DLGAP4: variants seen among roughly 807,000 people sequenced by gnomAD.
DLGAP4 encodes disks large-associated protein 4.
DLGAP4 carries 18 observed loss-of-function variants against 86.9 expected under a neutral mutation model. The ratio of observed to expected loss-of-function variants is 0.21; its 90% CI spans 0.14 to 0.31. The LOEUF (loss-of-function observed/expected upper bound fraction) is 0.31, where lower values mean the gene tolerates loss of function less well. Among genes scored for constraint, DLGAP4 ranks in the 10% least tolerant of loss-of-function variants. The pLI, the probability that DLGAP4 is intolerant of heterozygous loss-of-function variation, is 1.00. For missense variants in DLGAP4, 1,085 were observed against 1,362.6 expected (o/e 0.80, Z 3.21); for synonymous variants, 548 against 574.3 (o/e 0.95, Z 0.65).
At chr20:36,388,121 G>A in intron 2 of DLGAP4, among the ~76,000 whole-genome samples, 1 of 152,178 alleles carries the variant, frequency 6.6e-6, no homozygotes, top group East Asian at 1.9e-4. Flanking sequence ...CAGTCCCTTG[G>A]CTATTGAGAA....
intron 1 of DLGAP4, among the ~76,000 whole-genome samples, chr20:36,320,145 GC>G (rs1401728044): frequency 2.7e-5 from 2 of 74,580 alleles, no homozygotes. Flanking sequence ...CCTCTCCCAG[GC>G]CCCCCTCTGT....
chr20:36,309,202 A>G (rs2065031802), intron 1 of DLGAP4, among the ~76,000 whole-genome samples: 1 of 152,208 alleles, frequency 6.6e-6, no homozygotes, highest in Non-Finnish European at 1.5e-5. Flanking sequence ...CTCGATGCCC[A>G]GGCCAGGCTG....
intron 2 of DLGAP4, among the ~76,000 whole-genome samples, chr20:36,370,692 T>C (rs1256910349): frequency 1.3e-5 from 2 of 149,018 alleles, no homozygotes; most frequent in Non-Finnish European, 3.0e-5. Flanking sequence ...TGGTGATATG[T>C]GCCGGTAGTC....
chr20:36,423,924 C>A (rs1183453708), intron 2 of DLGAP4, among the ~76,000 whole-genome samples: 1 of 152,002 alleles, frequency 6.6e-6, no homozygotes, highest in African/African-American at 2.4e-5. Context: ...CATGCCGCTG[C>A]ACTCCAGCCC....
At chr20:36,477,485 C>T (rs1253705650) in intron 7 of DLGAP4, among the ~76,000 whole-genome samples, 1 of 152,222 alleles carries the variant, frequency 6.6e-6, no homozygotes, top group Non-Finnish European at 1.5e-5. Context: ...CTGGGAGAGC[C>T]TCCTCTGCAG....
At position 36,527,356 on chromosome 20, in the gene DLGAP4, G is replaced by A. The variant is rs2037834640; in HGVS notation, c.*325G>A. 9.2e-6 allele frequency: 2 copies of A among 216,234 alleles called. No homozygotes were observed. Among genetic ancestry groups the A allele is most frequent in the South Asian group, 1.9e-4 (2 of 10,428 alleles). 13.4% of individuals were successfully genotyped at this position (216,234 alleles called of 1,614,324 possible). A position where few individuals can be genotyped will look rare whatever the true frequency, so the allele number is the denominator to read the frequency against. On this transcript the variant is annotated 3_prime_UTR_variant, in exon 13 of 13. Transcript: ENST00000339266. ...CCTCCATACTGCGGTCTTTTTACTC[G>A]TTCTATCTGATGAGAACTCACACTA...
chr20:36,452,141 G>T (rs1600549127), intron 7 of DLGAP4, among the ~76,000 whole-genome samples: 1 of 152,076 alleles, frequency 6.6e-6, no homozygotes, highest in South Asian at 2.1e-4. Context: ...AACAAGTTCT[G>T]GTCTCCTTCC....
Position 36,436,253 on chromosome 20 carries a change from G to T in DLGAP4, c.1144G>T (p.Gly382Cys). The T allele has an allele frequency of 1.2e-6, 2 of 1,605,754 alleles. No individual in the cohort carries two copies. The part of the protein sequence containing the change: ...AMGDEDSDES[G>C]GSPKPSPKTA... ...GGGCGACGAGGACAGCGACGAGTCC[G>T]GCGGCAGCCCCAAGCCCTCACCCAA... The change falls in exon 4 of 13, where the codon GGC becomes TGC. Residue 382 changes from glycine to cysteine, a missense_variant. This residue lies in a region of DLGAP4 where 1,082 missense variants were observed against 1,344.1 expected (regional missense o/e 0.81). Transcript: ENST00000339266.
chr20:36,476,106 G>A (rs1192511735), intron 7 of DLGAP4, among the ~76,000 whole-genome samples: 3 of 151,912 alleles, frequency 2.0e-5, no homozygotes, highest in Admixed American at 6.6e-5. Flanking sequence ...TGATCCACCT[G>A]CCTTGGCCTC....
chr20:36,388,133 T>A (rs1337971424), intron 2 of DLGAP4, among the ~76,000 whole-genome samples: 1 of 152,218 alleles, frequency 6.6e-6, no homozygotes, highest in East Asian at 1.9e-4. Context: ...TATTGAGAAC[T>A]GCCACAGATA....
rs142118887 is a variant in DLGAP4 at position 36,476,226 on chromosome 20, G to A, written c.1649-20479G>A. 4.1e-3 allele frequency among the ~76,000 whole-genome samples: 613 copies of A among 150,106 alleles called. 5 individuals carry two copies. The highest frequency in any genetic ancestry group is 0.014 in the African/African-American group (581 of 40,696). ...TGTTGTATAGCCATCATCACTATCC[G>A]TCTCTTTAACTCTTCATCTTCCCAA... On this transcript the variant is annotated intron_variant, in intron 7 of 12. Transcript: ENST00000339266.
intron 10 of DLGAP4, among the ~76,000 whole-genome samples, chr20:36,518,226 CAA>C (rs113911192): frequency 2.3e-5 from 3 of 131,618 alleles, no homozygotes; most frequent in Non-Finnish European, 1.7e-5. Flanking sequence ...GACTCGGTCT[CAA>C]AAAAAAAAAA....
intron 2 of DLGAP4, among the ~76,000 whole-genome samples, chr20:36,414,138 AG>A (rs982543109): frequency 2.6e-4 from 39 of 152,306 alleles, no homozygotes; most frequent in African/African-American, 9.4e-4. Context: ...GAGATGAAAA[AG>A]GTGACTTGCC....
At chr20:36,364,096 GT>G (rs2030608361) in intron 1 of DLGAP4, among the ~76,000 whole-genome samples, 1 of 152,160 alleles carries the variant, frequency 6.6e-6, no homozygotes, top group African/African-American at 2.4e-5. Flanking sequence ...GTTTTGTTTT[GT>G]TTTGTTTAAG....
In DLGAP4 at chr20:36,505,457, G is replaced by A. The variant is rs141812210; in HGVS notation, c.2512+4846G>A. Reference sequence around the variant, plus strand: ...TGTGGGTAGGGCTTGTTTTAAGTAGGCTTTCTATGGACCCCTTCTTAGAAT... The same window carrying A: ...TGTGGGTAGGGCTTGTTTTAAGTAGACTTTCTATGGACCCCTTCTTAGAAT... On this transcript the variant is annotated intron_variant, in intron 10 of 12. Transcript: ENST00000339266. Among the ~76,000 whole-genome samples, 229 of 152,140 alleles carry A rather than the reference G, an allele frequency of 1.5e-3. 1 individual carries two copies. Among genetic ancestry groups the A allele is most frequent in the East Asian group, 5.8e-4 (3 of 5,174 alleles).
chr20:36,503,145 T>C (rs2036214860), intron 10 of DLGAP4, among the ~76,000 whole-genome samples: 1 of 152,178 alleles, frequency 6.6e-6, no homozygotes, highest in Non-Finnish European at 1.5e-5. Flanking sequence ...TCACCTTTTC[T>C]TCCTCATGTT....
At chr20:36,408,458 C>T (rs543040509) in intron 2 of DLGAP4, among the ~76,000 whole-genome samples, 280 of 152,292 alleles carry the variant, frequency 1.8e-3, no homozygotes, top group Middle Eastern at 3.4e-3. Context: ...CATCATCTCC[C>T]GGATATTTCC....
At chr20:36,497,421 C>T in intron 8 of DLGAP4, 1 of 1,127,596 alleles carries the variant, frequency 8.9e-7, no homozygotes, top group African/African-American at 1.6e-5. Context: ...GGAGGCGGGA[C>T]TGGCCTAACA....
At chr20:36,422,773 A>C (rs577497931) in intron 2 of DLGAP4, among the ~76,000 whole-genome samples, 1 of 152,304 alleles carries the variant, frequency 6.6e-6, no homozygotes, top group East Asian at 1.9e-4. Flanking sequence ...GGAGGTTCCC[A>C]GGGAGGCAGC....
Sources: gnomAD v4.1 joint callset for allele counts (sites outside exome capture counted in the v4.1 genomes callset) on GRCh38, gnomAD v4.1.1 for gene constraint, gnomAD v4.1.1 regional missense constraint, MANE v1.5 for transcripts, NCBI Gene and HGNC (gene_info 2026-07-23, HGNC 2026-07-21) for gene names.